AFF2: variants seen among roughly 807,000 people sequenced by gnomAD.
AFF2 encodes the protein AF4/FMR2 family member 2.
AFF2 carries 14 observed loss-of-function variants against 76.9 expected under a neutral mutation model. The observed-to-expected ratio is 0.18, with a 90% CI of 0.12 to 0.28. AFF2 has a LOEUF of 0.28. Among genes scored for constraint, AFF2 ranks in the 10% least tolerant of loss-of-function variants. The pLI is 1.00. For synonymous variants in AFF2, 398 were observed against 366.7 expected (o/e 1.09, Z -0.98); for missense variants, 868 against 1,001.1 (o/e 0.87, Z 1.79).
intron 3 of AFF2, among the ~76,000 whole-genome samples, chrX:148,725,253 T>A (rs2055142513): frequency 9.0e-6 from 1 of 111,005 alleles, no homozygotes; most frequent in South Asian, 3.9e-4. Flanking sequence ...CACTCCTGCA[T>A]GGCCTAATCT....
chrX:148,648,052 T>C (rs1192490997), intron 1 of AFF2, among the ~76,000 whole-genome samples: 1 of 111,909 alleles, frequency 8.9e-6, no homozygotes, highest in Non-Finnish European at 1.9e-5. Context: ...GGTTCAAGTG[T>C]CTGAGAGAAG....
At chrX:148,846,986 C>A (rs1168484798) in intron 7 of AFF2, among the ~76,000 whole-genome samples, 1 of 111,081 alleles carries the variant, frequency 9.0e-6, no homozygotes, top group Non-Finnish European at 1.9e-5. Flanking sequence ...CTGCAAGCTC[C>A]GCCTCCCGGG....
intron 1 of AFF2, among the ~76,000 whole-genome samples, chrX:148,579,407 G>A (rs2053329076): frequency 9.0e-6 from 1 of 111,385 alleles, no homozygotes; most frequent in Non-Finnish European, 1.9e-5. Context: ...AATTTTCTCT[G>A]AGTTCAATGC....
intron 3 of AFF2, among the ~76,000 whole-genome samples, chrX:148,703,572 A>G (rs2054828459): frequency 9.0e-6 from 1 of 111,724 alleles, no homozygotes; most frequent in Non-Finnish European, 1.9e-5. Flanking sequence ...TTTGTTTCAG[A>G]GTTTTTGAGA....
At chrX:148,706,463 A>G (rs1157253353) in intron 3 of AFF2, among the ~76,000 whole-genome samples, 3 of 112,516 alleles carry the variant, frequency 2.7e-5, no homozygotes, top group African/African-American at 9.7e-5. Flanking sequence ...TAAAACTTTG[A>G]GAAAGCTCAC....
At chrX:148,888,395 C>CAATGGTTT (rs1569556612) in intron 8 of AFF2, among the ~76,000 whole-genome samples, 1 of 112,079 alleles carries the variant, frequency 8.9e-6, no homozygotes, top group East Asian at 2.8e-4. Flanking sequence ...GAATAAACCA[C>CAATGGTTT]ATTTTCTTTA....
chrX:148,912,916 T>C (rs1450944287), intron 9 of AFF2, among the ~76,000 whole-genome samples: 1 of 112,791 alleles, frequency 8.9e-6, no homozygotes, highest in Non-Finnish European at 1.9e-5. Flanking sequence ...CCCTCAACAA[T>C]GTGCTTCCTA....
chrX:148,990,055 A>C (rs1269010829), intron 20 of AFF2, among the ~76,000 whole-genome samples: 3 of 112,429 alleles, frequency 2.7e-5, no homozygotes, highest in Non-Finnish European at 5.6e-5. Context: ...TGTATTACAT[A>C]GGAAAATATT....
intron 3 of AFF2, among the ~76,000 whole-genome samples, chrX:148,808,744 T>C (rs1192078405): frequency 1.8e-5 from 2 of 112,115 alleles, no homozygotes; most frequent in Non-Finnish European, 3.8e-5. Flanking sequence ...CAATAAATAC[T>C]GGTTGTAATT....
intron 9 of AFF2, among the ~76,000 whole-genome samples, chrX:148,917,704 C>G (rs1353418551): frequency 1.8e-5 from 2 of 112,558 alleles, no homozygotes; most frequent in Admixed American, 1.9e-4. Flanking sequence ...GCTTGACTCA[C>G]TGTCACGGAC....
In AFF2 at chrX:148,987,570, G is replaced by C; in HGVS notation, c.3814+13G>C. 8.4e-7 allele frequency: 1 copy of C among 1,193,523 alleles called. No individual in the cohort carries two copies. Among genetic ancestry groups the C allele is most frequent in the Non-Finnish European group, 1.1e-6 (1 of 881,633 alleles). On this transcript the variant is annotated intron_variant, in intron 20 of 20. Transcript: ENST00000370460. The stretch of plus-strand genomic sequence containing the variant: ...AGAGAAAACAAAGGTATGCTCATCT[G>C]TTCTACCCATATAGCTCACAGACCA...
chrX:148,754,441 C>T (rs1482214350), intron 3 of AFF2, among the ~76,000 whole-genome samples: 1 of 109,817 alleles, frequency 9.1e-6, no homozygotes, highest in Non-Finnish European at 1.9e-5. Flanking sequence ...CCCGTCAATA[C>T]ATTTCCCTGT....
chrX:148,756,209 C>G (rs1323877315), intron 3 of AFF2, among the ~76,000 whole-genome samples: 2 of 112,406 alleles, frequency 1.8e-5, no homozygotes, highest in Non-Finnish European at 3.8e-5. Flanking sequence ...TGAAATAAAC[C>G]ATGTGAAGTG....
intron 1 of AFF2, among the ~76,000 whole-genome samples, chrX:148,548,161 T>TA (rs1557238405): frequency 8.9e-6 from 1 of 112,544 alleles, no homozygotes; most frequent in Non-Finnish European, 1.9e-5. Flanking sequence ...GCCAGTTTGT[T>TA]AATGTAAGTG....
At chrX:148,837,086 C>T (rs782651519) in intron 4 of AFF2, among the ~76,000 whole-genome samples, 63 of 111,861 alleles carry the variant, frequency 5.6e-4, no homozygotes, top group African/African-American at 2.0e-3. Flanking sequence ...CTCCCTTGAG[C>T]TGACAGATCA....
intron 3 of AFF2, among the ~76,000 whole-genome samples, chrX:148,773,685 G>GGAAGGAAGGAAAGAAAGAAAGAAA (rs1376086125): frequency 1.9e-5 from 1 of 51,442 alleles, no homozygotes; most frequent in African/African-American, 8.8e-5. Context: ...AAGGAAGGAA[G>GGAAGGAAGGAAAGAAAGAAAGAAA]GAAAGAAAGA....
chrX:148,592,929 T>C (rs1557246862), intron 1 of AFF2, among the ~76,000 whole-genome samples: 1 of 112,371 alleles, frequency 8.9e-6, no homozygotes, highest in Non-Finnish European at 1.9e-5. Context: ...CTTTTCTCTC[T>C]TTTCTTTCTT....
At chrX:148,683,063 G>T (rs1395550058) in intron 3 of AFF2, among the ~76,000 whole-genome samples, 1 of 112,048 alleles carries the variant, frequency 8.9e-6, no homozygotes, top group African/African-American at 3.2e-5. Flanking sequence ...AGAGGACTTT[G>T]CCATCATCTA....
chrX:148,696,345 C>T (rs1557261282), intron 3 of AFF2, among the ~76,000 whole-genome samples: 1 of 110,031 alleles, frequency 9.1e-6, no homozygotes, highest in African/African-American at 3.3e-5. Flanking sequence ...ATATACCTAA[C>T]GTAAATGAGG....
Sources: allele counts gnomAD v4.1 joint callset (sites outside exome capture counted in the v4.1 genomes callset), GRCh38; gene constraint gnomAD v4.1.1; transcripts MANE v1.5; gene names NCBI Gene and HGNC (gene_info 2026-07-23, HGNC 2026-07-21).